Variants in VPS13B observed in about 807,000 individuals in gnomAD.
VPS13B encodes the protein vacuolar protein sorting 13 homolog B, also known as intermembrane lipid transfer protein VPS13B.
A neutral mutation model predicts 426.4 loss-of-function variants in VPS13B; 285 were observed. The observed-to-expected ratio is 0.67, with a 90% CI of 0.61 to 0.74. VPS13B has a LOEUF of 0.74. Ranked by LOEUF, VPS13B falls within the 30% of genes least tolerant of loss-of-function variation. The probability of loss-of-function intolerance (pLI) is 0.00; values close to 1 mark genes in which losing one functional copy is unlikely to be tolerated. For synonymous variants in VPS13B, 1,676 were observed against 1,676.4 expected (o/e 1.00, Z 0.01); for missense variants, 4,537 against 4,782.6 (o/e 0.95, Z 1.51).
intron 4 of VPS13B, among the ~76,000 whole-genome samples, chr8:99,102,521 G>A (rs1445873330): frequency 6.6e-6 from 1 of 152,138 alleles, no homozygotes; most frequent in Non-Finnish European, 1.5e-5. Context: ...GGTTTAAAAA[G>A]AGGCTTAAGC....
At chr8:99,084,187 A>G (rs1845639157) in intron 3 of VPS13B, among the ~76,000 whole-genome samples, 2 of 151,792 alleles carry the variant, frequency 1.3e-5, no homozygotes, top group African/African-American at 4.8e-5. Flanking sequence ...TAGTCTTGGG[A>G]GGGTGTGTCG....
chr8:99,765,171 A>G (rs770738640), intron 39 of VPS13B, among the ~76,000 whole-genome samples: 4 of 152,138 alleles, frequency 2.6e-5, no homozygotes, highest in Admixed American at 6.5e-5. Flanking sequence ...GCTTGAACCC[A>G]GGGGCCAAGG....
Position 99,835,225 on chromosome 8 carries a change from C to T in VPS13B, c.9643C>T (p.Leu3215Phe). The T allele has an allele frequency of 6.2e-7, 1 of 1,613,946 alleles. No individual in the cohort carries two copies. Among genetic ancestry groups the T allele is most frequent in the South Asian group, 1.1e-5 (1 of 91,078 alleles). ...TATAGTGCTGACATATCAAGAACAC[C>T]TCGGAGTGACTTATTTAACCCTCTC... is the stretch of plus-strand genomic sequence containing the variant. Reference protein sequence around the residue: ...RAIVLTYQEHLGVTYLTLSED... With the variant: ...RAIVLTYQEHFGVTYLTLSED... The change falls in exon 53 of 62, where the codon CTC becomes TTC. Residue 3215 changes from leucine (L) to phenylalanine (F), a missense_variant. Leu to Phe is a conservative substitution (Grantham distance 22). Around this residue, in one of 2 missense-constraint regions of VPS13B, gnomAD observed 4,311 missense variants for 4,474.3 expected, o/e 0.96. Transcript: ENST00000357162.
chr8:99,810,722 C>CA (rs1443309729), intron 44 of VPS13B, among the ~76,000 whole-genome samples: 2 of 152,134 alleles, frequency 1.3e-5, no homozygotes, highest in African/African-American at 2.4e-5. Flanking sequence ...TTTTAAATTG[C>CA]AATTTTATGT....
chr8:99,016,634 C>T (rs1218416907), intron 2 of VPS13B, among the ~76,000 whole-genome samples: 6 of 142,910 alleles, frequency 4.2e-5, no homozygotes, highest in African/African-American at 1.3e-4. Flanking sequence ...CTCTGTTGCC[C>T]AGGCTGGAGT....
intron 17 of VPS13B, among the ~76,000 whole-genome samples, chr8:99,207,399 T>G (rs1195420957): frequency 6.6e-6 from 1 of 152,188 alleles, no homozygotes; most frequent in Non-Finnish European, 1.5e-5. Context: ...GTTCCTCTAT[T>G]CTGTCTCAGA....
intron 39 of VPS13B, among the ~76,000 whole-genome samples, chr8:99,731,064 C>G (rs1219954691): frequency 6.6e-6 from 1 of 152,106 alleles, no homozygotes; most frequent in Non-Finnish European, 1.5e-5. Flanking sequence ...AATTTCAGAA[C>G]TGGATAGAGA....
intron 43 of VPS13B, among the ~76,000 whole-genome samples, chr8:99,808,136 T>C (rs117971822): frequency 6.6e-6 from 1 of 152,168 alleles, no homozygotes; most frequent in Non-Finnish European, 1.5e-5. Context: ...TTCATGAGAT[T>C]TACCTTTGGT....
Position 99,816,954 on chromosome 8 carries a change from A to T in VPS13B, c.8098-586A>T, listed in dbSNP as rs568752155. Among the ~76,000 whole-genome samples, 3 of 152,258 alleles carry T rather than the reference A, an allele frequency of 2.0e-5. No individual in the cohort carries two copies. The East Asian group carries it at 5.8e-4, about 29-fold the overall frequency. ...AACTTCAAGGAATAGATTGATCACAATTGCCCTCTCAGTTACCAGAGCTAA... is the reference window on the plus strand; with the variant it reads ...AACTTCAAGGAATAGATTGATCACATTTGCCCTCTCAGTTACCAGAGCTAA... On this transcript the variant is annotated intron_variant, in intron 44 of 61. Transcript: ENST00000357162.
chr8:99,480,268 C>T (rs1245451477), intron 24 of VPS13B, among the ~76,000 whole-genome samples: 1 of 152,148 alleles, frequency 6.6e-6, no homozygotes, highest in Non-Finnish European at 1.5e-5. Context: ...AAGTGTGTGT[C>T]ATGGTTTGCA....
At chr8:99,663,464 GAC>G (rs1588601010) in intron 35 of VPS13B, among the ~76,000 whole-genome samples, 3 of 152,188 alleles carry the variant, frequency 2.0e-5, no homozygotes, top group Admixed American at 6.5e-5. Flanking sequence ...TGAGGTAATA[GAC>G]TGAAGAAGGT....
intron 34 of VPS13B, among the ~76,000 whole-genome samples, chr8:99,652,944 G>C (rs1829881214): frequency 6.6e-6 from 1 of 152,114 alleles, no homozygotes; most frequent in Non-Finnish European, 1.5e-5. Context: ...GAAAGGTGAT[G>C]AGAAGGTTAA....
chr8:99,607,209 C>T (rs900992985), intron 33 of VPS13B, among the ~76,000 whole-genome samples: 4 of 152,070 alleles, frequency 2.6e-5, no homozygotes, highest in Admixed American at 6.6e-5. Flanking sequence ...GAACATTAAA[C>T]AAAATTATAA....
intron 3 of VPS13B, among the ~76,000 whole-genome samples, chr8:99,083,151 G>A (rs551331787): frequency 1.3e-5 from 2 of 152,236 alleles, no homozygotes; most frequent in East Asian, 3.9e-4. Flanking sequence ...GCAGTGGTTT[G>A]TAGTTCTCCT....
At chr8:99,769,468 T>G (rs1311555159) in intron 40 of VPS13B, among the ~76,000 whole-genome samples, 1 of 152,204 alleles carries the variant, frequency 6.6e-6, no homozygotes. Flanking sequence ...GGTACTTTTA[T>G]GATTAGAGAT....
chr8:99,846,687 C>T (rs924762383), intron 54 of VPS13B, among the ~76,000 whole-genome samples: 2 of 152,092 alleles, frequency 1.3e-5, no homozygotes, highest in Non-Finnish European at 2.9e-5. Flanking sequence ...GGTTTTTTGC[C>T]AGAAGAAGTA....
rs1469124389 is a variant in VPS13B, at chr8:99,835,319, TTAAAGGTATGTTTTATAC to T, written c.9740_9742+15del. On this transcript the variant is annotated splice_donor_variant and splice_donor_5th_base_variant and coding_sequence_variant and intron_variant, in exon 53 of 62. Transcript: ENST00000357162. LOFTEE classifies it high-confidence loss of function. ...GTAAAAATGCTTATAAAGGAAAACA[TTAAAGGTATGTTTTATAC>T]TATCGAATTTAGATAATACTAAATG... The T allele has an allele frequency of 6.2e-7, 1 of 1,610,950 alleles. No homozygotes were observed. Among genetic ancestry groups the T allele is most frequent in the Non-Finnish European group, 8.5e-7 (1 of 1,177,180 alleles).
At chr8:99,786,169 G>C (rs1812254831) in intron 43 of VPS13B, among the ~76,000 whole-genome samples, 1 of 152,076 alleles carries the variant, frequency 6.6e-6, no homozygotes, top group Non-Finnish European at 1.5e-5. Flanking sequence ...GGGTGGAGAG[G>C]AGGTCAGCAG....
chr8:99,262,007 C>T (rs575500744), intron 17 of VPS13B, among the ~76,000 whole-genome samples: 1 of 152,238 alleles, frequency 6.6e-6, no homozygotes, highest in South Asian at 2.1e-4. Flanking sequence ...AAAAGAATTA[C>T]ATGTTTGTCA....
Sources: allele counts gnomAD v4.1 joint callset (sites outside exome capture counted in the v4.1 genomes callset), GRCh38; gene constraint gnomAD v4.1.1; regional missense constraint gnomAD v4.1.1; transcripts MANE v1.5; gene names NCBI Gene and HGNC (gene_info 2026-07-23, HGNC 2026-07-21).